The following PKHD1 variants were observed in gnomAD, a reference collection of about 807,000 sequenced individuals.
The protein encoded by PKHD1 is PKHD1 ciliary IPT domain containing fibrocystin/polyductin.
A neutral mutation model predicts 412.0 loss-of-function variants in PKHD1; 291 were observed. That is an observed-to-expected ratio of 0.71 (90% CI 0.64 to 0.78). The LOEUF (loss-of-function observed/expected upper bound fraction) is 0.78. Among genes scored for constraint, PKHD1 ranks in the 30% least tolerant of loss-of-function variants. The pLI is 0.00. For missense variants in PKHD1, 4,825 were observed against 4,950.7 expected (o/e 0.97, Z 0.76); for synonymous variants, 1,777 against 1,821.5 (o/e 0.98, Z 0.62).
rs149227450 is a variant in PKHD1, at chr6:51,727,379, C to T, written c.10156+17006G>A. ...AGGGATATAAGGCAGAAAAAGAGAC[C>T]GAGACAAGTTTCAGAGCAGGTGAGG... On this transcript the variant is annotated intron_variant, in intron 60 of 66. Coordinates refer to ENST00000371117, the MANE Select transcript of PKHD1 (RefSeq NM_138694.4). Among the ~76,000 whole-genome samples, 21 of 152,050 alleles carry T rather than the reference C, an allele frequency of 1.4e-4. No individual in the cohort carries two copies. The East Asian group carries it at 2.3e-3, about 17-fold the overall frequency.
intron 35 of PKHD1, among the ~76,000 whole-genome samples, chr6:51,977,670 C>G (rs1045762355): frequency 2.0e-5 from 3 of 152,212 alleles, no homozygotes; most frequent in African/African-American, 7.2e-5. Flanking sequence ...TATTTCCACT[C>G]TCTAAGCCAG....
Position 51,885,981 on chromosome 6 carries a change from T to G in PKHD1, c.7110-9A>C. 1 of 1,459,960 alleles carries G rather than the reference T, an allele frequency of 6.8e-7. No homozygotes were observed. The highest frequency in any genetic ancestry group is 9.6e-7 in the Non-Finnish European group (1 of 1,039,960). 90.4% of individuals were successfully genotyped at this position (1,459,960 alleles called of 1,614,324 possible). On this transcript the variant is annotated splice_polypyrimidine_tract_variant and intron_variant, in intron 44 of 66. Transcript: ENST00000371117. ...ATACAAAGAGACCATACCTAAAAAG[T>G]GAAACAGAATGAAATTAAGCCAATT...
intron 59 of PKHD1, among the ~76,000 whole-genome samples, chr6:51,745,871 A>C (rs1738394910): frequency 6.6e-6 from 1 of 152,190 alleles, no homozygotes; most frequent in African/African-American, 2.4e-5. Context: ...GTGACAAAAC[A>C]ACACAAATTG....
chr6:51,932,980 C>G (rs779214549), intron 37 of PKHD1, among the ~76,000 whole-genome samples: 2 of 152,122 alleles, frequency 1.3e-5, no homozygotes, highest in Non-Finnish European at 2.9e-5. Flanking sequence ...AGCAATTATC[C>G]TATGACAAGT....
intron 55 of PKHD1, among the ~76,000 whole-genome samples, chr6:51,769,187 C>T (rs937378917): frequency 1.3e-4 from 19 of 151,190 alleles, no homozygotes; most frequent in Non-Finnish European, 3.0e-5. Flanking sequence ...TTATTTTAGG[C>T]CTGTTCCCTT....
rs1766096134 is a variant in PKHD1 at position 51,616,681 on chromosome 6, C to T, written c.*2400G>A. 2.5e-6 allele frequency: 1 copy of T among 398,320 alleles called. No homozygotes were observed. The highest frequency in any genetic ancestry group is 4.4e-5 in the Admixed American group (1 of 22,702). The allele number at this position is 398,320 out of a possible 1,614,324, so 24.7% of individuals were successfully genotyped here. A position where few individuals can be genotyped will look rare whatever the true frequency, so the allele number is the denominator to read the frequency against. Reference sequence around the variant, plus strand: ...AGGCCCAAAGAGTCAATTCTGGCCTCAGGGATCACAGGCTTTTCTGGGATG... The same window carrying T: ...AGGCCCAAAGAGTCAATTCTGGCCTTAGGGATCACAGGCTTTTCTGGGATG... On this transcript the variant is annotated 3_prime_UTR_variant, in exon 67 of 67. Coordinates refer to ENST00000371117, the MANE Select transcript of PKHD1 (RefSeq NM_138694.4).
At chr6:52,048,923 C>T (rs1368641146) in intron 22 of PKHD1, among the ~76,000 whole-genome samples, 1 of 152,162 alleles carries the variant, frequency 6.6e-6, no homozygotes, top group Non-Finnish European at 1.5e-5. Flanking sequence ...GGTTTTATTG[C>T]TTTTCCTGCC....
At chr6:51,757,229 A>G (rs1431655483) in intron 55 of PKHD1, among the ~76,000 whole-genome samples, 2 of 152,162 alleles carry the variant, frequency 1.3e-5, no homozygotes, top group African/African-American at 2.4e-5. Context: ...ATAGGTCACT[A>G]TAATATTCTG....
intron 50 of PKHD1, among the ~76,000 whole-genome samples, chr6:51,841,007 A>T (rs1279376985): frequency 1.3e-5 from 2 of 152,148 alleles, no homozygotes; most frequent in Non-Finnish European, 2.9e-5. Context: ...CAGTGTAGAA[A>T]TTGATTTAAG....
At chr6:51,689,467 T>C (rs1777878993) in intron 60 of PKHD1, among the ~76,000 whole-genome samples, 1 of 152,116 alleles carries the variant, frequency 6.6e-6, no homozygotes. Context: ...CCACTCCTAT[T>C]CAAAATAGTA....
intron 21 of PKHD1, among the ~76,000 whole-genome samples, chr6:52,051,548 C>T (rs755443974): frequency 3.3e-5 from 5 of 152,150 alleles, no homozygotes; most frequent in African/African-American, 9.7e-5. Context: ...CTCTTGTCTC[C>T]GCCCTCTCCC....
rs187106330 is a variant in PKHD1 at position 51,977,075 on chromosome 6, G to A, written c.5752-17049C>T. On this transcript the variant is annotated intron_variant, in intron 35 of 66. Coordinates refer to ENST00000371117, the MANE Select transcript of PKHD1 (RefSeq NM_138694.4). Reference sequence around the variant, plus strand: ...ATTAAACTTACTTAGTTTGTTCAGTGCTTCTCTGTAAAGCCTATTTGGAAT... The same window carrying A: ...ATTAAACTTACTTAGTTTGTTCAGTACTTCTCTGTAAAGCCTATTTGGAAT... 3.3e-5 allele frequency among the ~76,000 whole-genome samples: 5 copies of A among 151,982 alleles called. No homozygotes were observed. The East Asian group carries it at 9.7e-4, about 29-fold the overall frequency.
At chr6:51,736,275 C>G (rs1175936654) in intron 60 of PKHD1, among the ~76,000 whole-genome samples, 2 of 152,176 alleles carry the variant, frequency 1.3e-5, no homozygotes, top group Admixed American at 1.3e-4. Flanking sequence ...TTCATATCAT[C>G]TTTTATAGAT....
intron 46 of PKHD1, among the ~76,000 whole-genome samples, chr6:51,872,062 A>C (rs929879738): frequency 6.6e-6 from 1 of 152,222 alleles, no homozygotes; most frequent in African/African-American, 2.4e-5. Flanking sequence ...TATCATAGAA[A>C]GTAGAACAAA....
intron 43 of PKHD1, among the ~76,000 whole-genome samples, chr6:51,897,642 G>A (rs1342845058): frequency 6.9e-6 from 1 of 145,320 alleles, no homozygotes; most frequent in Non-Finnish European, 1.5e-5. Context: ...CATAATGACA[G>A]GATCAAATTC....
intron 43 of PKHD1, 76 bp downstream of exon 43, chr6:51,903,521 G>A (rs1781586477): frequency 2.7e-5 from 36 of 1,332,990 alleles, no homozygotes; most frequent in Non-Finnish European, 3.8e-5. Context: ...GAAGCCAAAA[G>A]GTTGGACACC....
intron 52 of PKHD1, among the ~76,000 whole-genome samples, chr6:51,816,670 T>C (rs1190555135): frequency 6.6e-6 from 1 of 152,212 alleles, no homozygotes; most frequent in Non-Finnish European, 1.5e-5. Flanking sequence ...GGCGACCAAC[T>C]GATCAAACTG....
At chr6:52,031,927 C>T (rs1581848548) in intron 29 of PKHD1, among the ~76,000 whole-genome samples, 1 of 152,160 alleles carries the variant, frequency 6.6e-6, no homozygotes, top group African/African-American at 2.4e-5. Context: ...CTAGATGCTT[C>T]CTTGGCACTG....
intron 66 of PKHD1, among the ~76,000 whole-genome samples, chr6:51,623,378 A>G (rs186481228): frequency 1.1e-3 from 163 of 152,154 alleles, no homozygotes; most frequent in Middle Eastern, 6.8e-3. Flanking sequence ...TTTGGTCTCT[A>G]TTGTACATTT....
Sources: gnomAD v4.1 joint callset for allele counts (sites outside exome capture counted in the v4.1 genomes callset) on GRCh38, gnomAD v4.1.1 for gene constraint, MANE v1.5 for transcripts, NCBI Gene and HGNC (gene_info 2026-07-23, HGNC 2026-07-21) for gene names.